ST7L: variants seen among roughly 807,000 people sequenced by gnomAD.
ST7L encodes the protein suppression of tumorigenicity 7 like.
In ST7L, 57 loss-of-function variants were observed where a neutral mutation model predicts 72.5. The ratio of observed to expected loss-of-function variants is 0.79; its 90% confidence interval spans 0.64 to 0.98. ST7L has a LOEUF of 0.98. ST7L is among the 50% of genes least tolerant of loss of function. The probability of loss-of-function intolerance (pLI) is 0.00; values close to 1 mark genes in which losing one functional copy is unlikely to be tolerated. For synonymous variants in ST7L, 221 were observed against 240.9 expected, an observed-to-expected ratio of 0.92 and a Z score of 0.77; for missense variants, 576 against 672.2, an observed-to-expected ratio of 0.86 and a Z score of 1.58.
rs904473612 is a variant in ST7L, at chr1:112,526,072, C to T, written c.1669G>A (p.Gly557Ser). The T allele has an allele frequency of 1.9e-5, 30 of 1,614,080 alleles. No homozygotes were observed. The highest frequency in any genetic ancestry group is 2.7e-5 in the African/African-American group (2 of 74,914). ...AAATCCTGTGTATTCTCCTCAAAGC[C>T]TGAGGATGCCCAGGGTTGGGGGCAC... Reference protein sequence around the residue: ...LWCPQPWASSGFEENTQDLKS... With the variant: ...LWCPQPWASSSFEENTQDLKS... Residue 557 changes from glycine to serine, a missense_variant, in exon 15 of 15, where the codon GGC becomes AGC. Around this residue, in one of 3 missense-constraint regions of ST7L, gnomAD observed 511 missense variants for 600.7 expected, o/e 0.85. Coordinates refer to ENST00000358039, the MANE Select transcript of ST7L (RefSeq NM_017744.5).
upstream of ST7L, chr1:112,619,624 G>T (rs1670503615): frequency 7.1e-6 from 4 of 563,832 alleles, no homozygotes; most frequent in East Asian, 1.2e-4. Context: ...CATTGGGAAA[G>T]ATATTAGACT....
intron 1 of ST7L, among the ~76,000 whole-genome samples, chr1:112,617,727 A>T (rs941763925): frequency 2.1e-4 from 31 of 149,962 alleles, no homozygotes; most frequent in Middle Eastern, 3.4e-3. Context: ...TCACACACAC[A>T]CACACACACA....
chr1:112,530,430 T>C (rs564657162), intron 14 of ST7L, among the ~76,000 whole-genome samples: 1 of 152,330 alleles, frequency 6.6e-6, no homozygotes, highest in South Asian at 2.1e-4. Context: ...TTGTTTGTTT[T>C]TTGAGATGGA....
At chr1:112,578,602 C>T (rs1227722379) in intron 9 of ST7L, among the ~76,000 whole-genome samples, 185 bp from the exon 10 acceptor site, 1 of 151,732 alleles carries the variant, frequency 6.6e-6, no homozygotes, top group South Asian at 2.1e-4. Flanking sequence ...GGAGAAACCC[C>T]GTCTCTATTA....
chr1:112,565,147 C>T (rs1009790276), intron 11 of ST7L, among the ~76,000 whole-genome samples: 4 of 149,650 alleles, frequency 2.7e-5, no homozygotes, highest in South Asian at 2.1e-4. Flanking sequence ...CAGGTTCAAG[C>T]GATTCTCCTG....
chr1:112,607,694 T>C (rs1234596200), intron 3 of ST7L: 2 of 124,870 alleles, frequency 1.6e-5, no homozygotes, highest in African/African-American at 6.1e-5. Context: ...GAAATATAAA[T>C]GATATAAACT....
intron 7 of ST7L, 95 bp downstream of exon 7, chr1:112,583,877 G>A (rs1664479481): frequency 2.9e-6 from 4 of 1,393,216 alleles, no homozygotes; most frequent in East Asian, 2.3e-5. Context: ...TAACTAACCT[G>A]TAAGTATTAA....
chr1:112,610,520 A>G (rs1352532167), intron 3 of ST7L: 4 of 261,196 alleles, frequency 1.5e-5, no homozygotes. Context: ...TGACCAAGGT[A>G]CCAACAAATT....
chr1:112,615,458 A>G (rs1042437941), intron 2 of ST7L, among the ~76,000 whole-genome samples: 2 of 152,210 alleles, frequency 1.3e-5, no homozygotes, highest in Non-Finnish European at 1.5e-5. Flanking sequence ...TGGGGCTTGA[A>G]AAAACTGTAA....
In ST7L at chr1:112,550,711, T is replaced by G. The variant is rs1285617787; in HGVS notation, c.1397-18A>C. On this transcript the variant is annotated intron_variant, in intron 12 of 14. Transcript: ENST00000358039. ...TCTAAAAGCTGAGGAAAAAAAAGCA[T>G]GTGTTGATACTCAATTCTGTCTCAT... The G allele has an allele frequency of 1.3e-6, 2 of 1,585,700 alleles. No homozygotes were observed. Among genetic ancestry groups the G allele is most frequent in the Non-Finnish European group, 1.7e-6 (2 of 1,155,858 alleles).
chr1:112,550,793 T>G, intron 12 of ST7L, 100 bp from the exon 13 acceptor site: 1 of 900,250 alleles, frequency 1.1e-6, no homozygotes, highest in South Asian at 1.7e-5. Flanking sequence ...CTATTTTCTT[T>G]TTTTAGTGAG....
At chr1:112,604,015 T>C (rs1280790444) in intron 3 of ST7L, among the ~76,000 whole-genome samples, 1 of 152,126 alleles carries the variant, frequency 6.6e-6, no homozygotes, top group Non-Finnish European at 1.5e-5. Context: ...TCATATATAA[T>C]ACATTAATTC....
At chr1:112,566,046 A>G (rs1660963137) in intron 11 of ST7L, among the ~76,000 whole-genome samples, 1 of 151,926 alleles carries the variant, frequency 6.6e-6, no homozygotes, top group Admixed American at 6.6e-5. Context: ...TAAAGTGACA[A>G]CCACCATGAT....
chr1:112,540,645 C>G, intron 14 of ST7L: 1 of 1,182,664 alleles, frequency 8.5e-7, no homozygotes, highest in African/African-American at 1.6e-5. Context: ...AACCACTGCT[C>G]TTACCACTGG....
chr1:112,594,358 A>C (rs1466111115), intron 5 of ST7L, among the ~76,000 whole-genome samples: 2 of 152,174 alleles, frequency 1.3e-5, no homozygotes, highest in African/African-American at 4.8e-5. Context: ...ATCCTATAAT[A>C]GTATTGCTGC....
At chr1:112,588,727 C>A (rs908449112) in intron 6 of ST7L, among the ~76,000 whole-genome samples, 4 of 152,142 alleles carry the variant, frequency 2.6e-5, no homozygotes, top group African/African-American at 9.7e-5. Context: ...ATTCTTGCAT[C>A]CATGAATAAA....
At chr1:112,520,229 G>C (rs759447633), downstream of ST7L, 5 of 1,543,990 alleles carry the variant, frequency 3.2e-6, no homozygotes, top group South Asian at 5.8e-5. Flanking sequence ...AGGGTATCCA[G>C]GGCAGCTGAA....
chr1:112,568,046 C>G (rs892532413), intron 11 of ST7L, among the ~76,000 whole-genome samples: 7 of 152,158 alleles, frequency 4.6e-5, no homozygotes, highest in Non-Finnish European at 1.0e-4. Flanking sequence ...AATTTCTACT[C>G]TTTGTGGGAG....
intron 13 of ST7L, among the ~76,000 whole-genome samples, chr1:112,546,292 C>T (rs1250964704): frequency 1.4e-5 from 2 of 144,296 alleles, no homozygotes; most frequent in African/African-American, 5.2e-5. Flanking sequence ...GCATTCCAGC[C>T]TGAGTGACAG....
Sources: allele counts gnomAD v4.1 joint callset (sites outside exome capture counted in the v4.1 genomes callset), GRCh38; gene constraint gnomAD v4.1.1; regional missense constraint gnomAD v4.1.1; transcripts MANE v1.5; gene names NCBI Gene and HGNC (gene_info 2026-07-23, HGNC 2026-07-21).